STK32C: variants seen among roughly 807,000 people sequenced by gnomAD.
STK32C encodes the protein serine/threonine-protein kinase 32C.
In STK32C, 31 loss-of-function variants were observed where a neutral mutation model predicts 56.5. That is an observed-to-expected ratio of 0.55 (90% CI 0.41 to 0.74). The LOEUF is 0.74. Among genes scored for constraint, STK32C ranks in the 30% least tolerant of loss-of-function variants. STK32C has a pLI of 0.00. For missense variants in STK32C, 544 were observed against 676.9 expected (o/e 0.80, Z 2.18); for synonymous variants, 309 against 289.4 (o/e 1.07, Z -0.69).
chr10:132,229,548 T>A (rs868029086), intron 2 of STK32C, among the ~76,000 whole-genome samples: 2 of 152,238 alleles, frequency 1.3e-5, no homozygotes, highest in African/African-American at 4.8e-5. Flanking sequence ...GCAATCTTCA[T>A]TCCTCTCTGC....
At chr10:132,266,561 T>C (rs1232841803) in intron 1 of STK32C, among the ~76,000 whole-genome samples, 1 of 152,094 alleles carries the variant, frequency 6.6e-6, no homozygotes, top group African/African-American at 2.4e-5. Context: ...GAAATGGGTG[T>C]TTACCTTTGG....
At chr10:132,249,054 C>CGGA (rs2063792959) in intron 1 of STK32C, 1 of 475,734 alleles carries the variant, frequency 2.1e-6, no homozygotes, top group Non-Finnish European at 4.2e-6. Context: ...GACTGTGCGA[C>CGGA]GGAGGCGGCG....
chr10:132,316,065 T>A (rs892116401), intron 1 of STK32C, among the ~76,000 whole-genome samples: 2 of 152,184 alleles, frequency 1.3e-5, no homozygotes, highest in Non-Finnish European at 2.9e-5. Context: ...AAATAAGAGA[T>A]GTTAAAAATC....
intron 2 of STK32C, among the ~76,000 whole-genome samples, chr10:132,241,204 C>T (rs1428916277): frequency 6.6e-6 from 1 of 152,230 alleles, no homozygotes; most frequent in Non-Finnish European, 1.5e-5. Context: ...GAGCCACACG[C>T]CCAGCCCACC....
chr10:132,227,950 T>C, intron 3 of STK32C, 27 bp downstream of exon 3: 1 of 1,610,112 alleles, frequency 6.2e-7, no homozygotes, highest in South Asian at 1.1e-5. Context: ...GGTAAGTCTT[T>C]CTGCAGCGAG....
upstream of STK32C, chr10:132,332,061 A>T (rs1410702932): frequency 1.1e-5 from 2 of 180,334 alleles, no homozygotes; most frequent in Non-Finnish European, 2.1e-5. Flanking sequence ...CCCCCACAAC[A>T]CGCACACCCC....
intron 1 of STK32C, among the ~76,000 whole-genome samples, chr10:132,278,605 G>C (rs1337241111): frequency 6.6e-6 from 1 of 151,408 alleles, no homozygotes; most frequent in Admixed American, 6.6e-5. Context: ...ACTAAAAATA[G>C]AAAAAATTAG....
intron 8 of STK32C, among the ~76,000 whole-genome samples, chr10:132,223,873 G>A (rs1296599214): frequency 3.3e-5 from 5 of 152,204 alleles, no homozygotes; most frequent in African/African-American, 9.6e-5. Context: ...CACAGCCCCA[G>A]CCTAGCACCA....
intron 1 of STK32C, among the ~76,000 whole-genome samples, chr10:132,284,542 C>T (rs1282693348): frequency 6.6e-6 from 1 of 152,126 alleles, no homozygotes; most frequent in Non-Finnish European, 1.5e-5. Flanking sequence ...CACAGAGCCC[C>T]CAGTAGCATC....
At chr10:132,327,545 G>A (rs886182133) in intron 1 of STK32C, among the ~76,000 whole-genome samples, 15 of 151,608 alleles carry the variant, frequency 9.9e-5, no homozygotes, top group African/African-American at 2.9e-4. Context: ...GCATGCTCTC[G>A]GCTCACTGCA....
At chr10:132,312,504 A>G (rs2066241309), upstream of STK32C, among the ~76,000 whole-genome samples, 1 of 152,200 alleles carries the variant, frequency 6.6e-6, no homozygotes, top group Admixed American at 6.5e-5. Flanking sequence ...TCCAAGGTAC[A>G]GTGATGAGAT....
intron 10 of STK32C, among the ~76,000 whole-genome samples, chr10:132,222,409 T>G (rs1253897397): frequency 6.6e-6 from 1 of 152,094 alleles, no homozygotes; most frequent in Non-Finnish European, 1.5e-5. Flanking sequence ...GCCATCCCCG[T>G]GCACTCATAA....
chr10:132,234,741 G>A (rs2063216271), intron 2 of STK32C, among the ~76,000 whole-genome samples: 1 of 152,238 alleles, frequency 6.6e-6, no homozygotes, highest in African/African-American at 2.4e-5. Flanking sequence ...CGAGCCTGTG[G>A]CTCTCATGAG....
downstream of STK32C, among the ~76,000 whole-genome samples, chr10:132,321,345 C>T (rs777266077): frequency 2.0e-5 from 3 of 152,128 alleles, no homozygotes; most frequent in Admixed American, 2.0e-4. Context: ...AAATGCTTGG[C>T]GTTCATGGTA....
At chr10:132,230,403 G>C (rs2063050453) in intron 2 of STK32C, among the ~76,000 whole-genome samples, 1 of 152,186 alleles carries the variant, frequency 6.6e-6, no homozygotes, top group South Asian at 2.1e-4. Context: ...CGGGATGGAA[G>C]CCCCAGCCTC....
chr10:132,251,320 T>A (rs2063897623), intron 1 of STK32C, among the ~76,000 whole-genome samples: 1 of 152,056 alleles, frequency 6.6e-6, no homozygotes, highest in African/African-American at 2.4e-5. Flanking sequence ...GAGGGACGGG[T>A]CTGCGTGGTG....
intron 1 of STK32C, among the ~76,000 whole-genome samples, chr10:132,299,087 G>A (rs1311411580): frequency 6.6e-6 from 1 of 150,454 alleles, no homozygotes; most frequent in Non-Finnish European, 1.5e-5. Flanking sequence ...TGAGACCCCA[G>A]CAGCATGGAT....
At position 132,290,621 on chromosome 10, in the gene STK32C, C is replaced by A. The variant is rs182088669; in HGVS notation, c.262+16951G>T. Among the ~76,000 whole-genome samples the A allele has an allele frequency of 1.2e-3, 178 of 152,342 alleles. 1 individual carries two copies. The highest frequency in any genetic ancestry group is 1.5e-3 in the Non-Finnish European group (100 of 68,024). On this transcript the variant is annotated intron_variant, in intron 1 of 11. Transcript: ENST00000298630. ...GAGACCCCTAAGAAGCTAAGGTCCC[C>A]AGGACTACCCAGGAAGATGCCAAGA...
chr10:132,222,544 T>C, intron 10 of STK32C, 97 bp downstream of exon 10: 1 of 1,465,926 alleles, frequency 6.8e-7, no homozygotes, highest in Non-Finnish European at 9.2e-7. Flanking sequence ...TTCCGAGACG[T>C]GTGCGCTGCC....
Sources: allele counts gnomAD v4.1 joint callset (sites outside exome capture counted in the v4.1 genomes callset), GRCh38; gene constraint gnomAD v4.1.1; transcripts MANE v1.5; gene names NCBI Gene and HGNC (gene_info 2026-07-23, HGNC 2026-07-21).